MIGA2: variants seen among roughly 807,000 people sequenced by gnomAD.
MIGA2 encodes family with sequence similarity 73, member B.
A neutral mutation model predicts 69.9 loss-of-function variants in MIGA2; 36 were observed. The ratio of observed to expected loss-of-function variants is 0.52; its 90% CI spans 0.39 to 0.68. The LOEUF (loss-of-function observed/expected upper bound fraction) is 0.68, where lower values mean the gene tolerates loss of function less well. MIGA2 is among the 30% of genes least tolerant of loss of function. The pLI, the probability that MIGA2 is intolerant of heterozygous loss-of-function variation, is 0.00. For missense variants in MIGA2, 660 were observed against 787.7 expected (o/e 0.84, Z 1.94); for synonymous variants, 333 against 349.2 (o/e 0.95, Z 0.52).
rs150621834 is a variant in MIGA2 at position 129,043,861 on chromosome 9, C to T, written c.307+1347C>T. Among the ~76,000 whole-genome samples, 1,228 of 152,090 alleles carry T rather than the reference C, an allele frequency of 8.1e-3. 14 individuals carry two copies. The highest frequency in any genetic ancestry group is 0.028 in the African/African-American group (1,151 of 41,498). On this transcript the variant is annotated intron_variant, in intron 3 of 15. Transcript: ENST00000684074. ...GACAACAGGTGCGTGCCACCAAGCC[C>T]GGCTAATTTTTTGTATTTTTAGTAG...
rs60385020 is a variant in MIGA2 at position 129,042,001 on chromosome 9, G to T, written c.97-303G>T. ...TGGGTACCCCAGGCTAGGTCCTAGT[G>T]CAGTGCCGGGCACAGCTGGTGCTTG... is the stretch of plus-strand genomic sequence containing the variant. On this transcript the variant is annotated intron_variant, in intron 2 of 15. Coordinates refer to ENST00000684074, the MANE Select transcript of MIGA2 (RefSeq NM_001329990.2). The T allele has an allele frequency of 3.8e-3, 1,498 of 394,462 alleles. 17 individuals carry two copies. Among genetic ancestry groups the T allele is most frequent in the African/African-American group, 0.027 (1,356 of 50,082 alleles). The allele number at this position is 394,462 out of a possible 1,614,324, so 24.4% of individuals were successfully genotyped here. A position where few individuals can be genotyped will look rare whatever the true frequency, so the allele number is the denominator to read the frequency against.
At chr9:129,052,035 C>T (rs1226448734) in intron 6 of MIGA2, among the ~76,000 whole-genome samples, 1 of 152,050 alleles carries the variant, frequency 6.6e-6, no homozygotes, top group Non-Finnish European at 1.5e-5. Context: ...ACTGTGTTAG[C>T]CAGGATGGGC....
chr9:129,049,765 G>GC, intron 5 of MIGA2, 62 bp from the exon 6 acceptor site: 1 of 1,608,070 alleles, frequency 6.2e-7, no homozygotes, highest in Non-Finnish European at 8.5e-7. Flanking sequence ...GATGTTCTGA[G>GC]CCCCCTCTTG....
At position 129,071,704 on chromosome 9, in the gene MIGA2, G is replaced by A. The variant is rs1220208108; in HGVS notation, c.*1251G>A. Reference sequence around the variant, plus strand: ...TGATGCTGGGTGTGGCCCATCTTCTGTGGGCCCCTTCCCAGACACCGGATC... The same window carrying A: ...TGATGCTGGGTGTGGCCCATCTTCTATGGGCCCCTTCCCAGACACCGGATC... On this transcript the variant is annotated 3_prime_UTR_variant, in exon 16 of 16. Transcript: ENST00000684074. 2.6e-5 allele frequency: 4 copies of A among 152,172 alleles called. No individual in the cohort carries two copies. Among genetic ancestry groups the A allele is most frequent in the Non-Finnish European group, 4.4e-5 (3 of 68,002 alleles). 9.4% of individuals were successfully genotyped at this position (152,172 alleles called of 1,614,324 possible). A position where few individuals can be genotyped will look rare whatever the true frequency, so the allele number is the denominator to read the frequency against.
chr9:129,070,480 A>T lies in MIGA2; in HGVS notation c.*27A>T. On this transcript the variant is annotated 3_prime_UTR_variant, in exon 16 of 16. Transcript: ENST00000684074. ...GGCGGCACGGGCTGGGGGGTGGCAG[A>T]GAGAAGGCTCCTCCTCCCTTCCCTG... is the stretch of plus-strand genomic sequence containing the variant. 6.7e-7 allele frequency: 1 copy of T among 1,500,152 alleles called. No individual in the cohort carries two copies. Among genetic ancestry groups the T allele is most frequent in the South Asian group, 1.3e-5 (1 of 78,436 alleles). The allele number at this position is 1,500,152 out of a possible 1,614,324, so 92.9% of individuals were successfully genotyped here.
Position 129,061,086 on chromosome 9 carries a change from T to C in MIGA2, c.895-145T>C, listed in dbSNP as rs1846043178. ...TCGAACTGGAGCCTCCTGGCCAGTGTTCCCTCTGACATCCCCTCAGAGACG... is the reference window on the plus strand; with the variant it reads ...TCGAACTGGAGCCTCCTGGCCAGTGCTCCCTCTGACATCCCCTCAGAGACG... On this transcript the variant is annotated intron_variant, in intron 8 of 15. Coordinates refer to ENST00000684074, the MANE Select transcript of MIGA2 (RefSeq NM_001329990.2). The surrounding 1 kb of genome is among the most constrained non-coding windows in gnomAD (Gnocchi z 5.0). 1 of 701,030 alleles carries C rather than the reference T, an allele frequency of 1.4e-6. No homozygotes were observed. The highest frequency in any genetic ancestry group is 2.5e-6 in the Non-Finnish European group (1 of 397,036). The allele number at this position is 701,030 out of a possible 1,614,324, so 43.4% of individuals were successfully genotyped here. A position where few individuals can be genotyped will look rare whatever the true frequency, so the allele number is the denominator to read the frequency against.
Position 129,060,663 on chromosome 9 carries a change from G to A in MIGA2, c.894+13G>A. On this transcript the variant is annotated intron_variant, in intron 8 of 15. Coordinates refer to ENST00000684074, the MANE Select transcript of MIGA2 (RefSeq NM_001329990.2). The surrounding 1 kb of genome is among the most constrained non-coding windows in gnomAD (Gnocchi z 4.8). The stretch of plus-strand genomic sequence containing the variant: ...CTCCGCCACCGAGGTGACTCGGGGT[G>A]GGGACCAAGCCTGGGGTGGGGTGAA... 1.9e-6 allele frequency: 3 copies of A among 1,567,948 alleles called. No individual in the cohort carries two copies. The highest frequency in any genetic ancestry group is 1.7e-6 in the Non-Finnish European group (2 of 1,155,566).
chr9:129,067,009 A>G (rs1846392713), intron 11 of MIGA2, among the ~76,000 whole-genome samples: 1 of 145,634 alleles, frequency 6.9e-6, no homozygotes, highest in African/African-American at 2.5e-5. Flanking sequence ...GGTGGCAGGC[A>G]CTTGTAGTCC....
chr9:129,048,344 G>T (rs1372719478), intron 3 of MIGA2, 83 bp from the exon 4 acceptor site: 8 of 1,121,604 alleles, frequency 7.1e-6, no homozygotes, highest in Non-Finnish European at 1.1e-5. Context: ...GAGGAAGAAG[G>T]GGAAGGTGGT....
intron 1 of MIGA2, among the ~76,000 whole-genome samples, chr9:129,039,270 G>T (rs1429542933): frequency 1.3e-5 from 2 of 149,912 alleles, no homozygotes; most frequent in Non-Finnish European, 3.0e-5. Flanking sequence ...TTTTGAGATG[G>T]AGTCTCACTC....
rs1846562774 is a variant in MIGA2 at position 129,069,666 on chromosome 9, G to T, written c.1459-183G>T. 4.7e-6 allele frequency: 3 copies of T among 636,060 alleles called. No homozygotes were observed. The highest frequency in any genetic ancestry group is 2.8e-5 in the East Asian group (1 of 36,146). The allele number at this position is 636,060 out of a possible 1,614,324, so 39.4% of individuals were successfully genotyped here. ...CTTGCAGTACTCACAGCGGCCCATG[G>T]TTACCCTGTCTGCAGAAGTTAAAAT... On this transcript the variant is annotated intron_variant, in intron 14 of 15. Transcript: ENST00000684074. This position sits in a 1 kb window ranked among gnomAD's most constrained non-coding sequence, Gnocchi z 4.9.
rs543981579 is a variant in MIGA2 at position 129,068,690 on chromosome 9, C to T, written c.1404+358C>T. 1 of 415,420 alleles carries T rather than the reference C, an allele frequency of 2.4e-6. No individual in the cohort carries two copies. The allele number at this position is 415,420 out of a possible 1,614,324, so 25.7% of individuals were successfully genotyped here. On this transcript the variant is annotated intron_variant, in intron 13 of 15. Coordinates refer to ENST00000684074, the MANE Select transcript of MIGA2 (RefSeq NM_001329990.2). The surrounding 1 kb of genome is among the most constrained non-coding windows in gnomAD (Gnocchi z 4.1). ...GCACAGAGTGAGAGACAACCCAGCA[C>T]AGGACCCCCAGGAAGGCAAGCAGTA...
intron 6 of MIGA2, among the ~76,000 whole-genome samples, chr9:129,056,467 C>T (rs1438766903): frequency 6.6e-6 from 1 of 151,938 alleles, no homozygotes; most frequent in Non-Finnish European, 1.5e-5. Context: ...AGAAGACTGG[C>T]CCATGGTGGC....
At chr9:129,055,488 G>C (rs1346005535) in intron 6 of MIGA2, among the ~76,000 whole-genome samples, 1 of 151,916 alleles carries the variant, frequency 6.6e-6, no homozygotes, top group Non-Finnish European at 1.5e-5. Flanking sequence ...AGGCTAAGTG[G>C]GTTCATCTCT....
chr9:129,038,414 T>C (rs1844712459), intron 1 of MIGA2, among the ~76,000 whole-genome samples: 1 of 152,100 alleles, frequency 6.6e-6, no homozygotes, highest in African/African-American at 2.4e-5. Context: ...AAGGCATCCT[T>C]GGGCTTGGAG....
At chr9:129,043,062 C>G (rs907112236) in intron 3 of MIGA2, among the ~76,000 whole-genome samples, 1 of 151,822 alleles carries the variant, frequency 6.6e-6, no homozygotes, top group African/African-American at 2.4e-5. Context: ...GGCATGGTGA[C>G]GGGCACCTGT....
intron 6 of MIGA2, among the ~76,000 whole-genome samples, chr9:129,052,614 G>A (rs1845606526): frequency 6.6e-6 from 1 of 152,132 alleles, no homozygotes; most frequent in South Asian, 2.1e-4. Context: ...GGTAGAAGGA[G>A]GAGGGAGGAT....
chr9:129,068,146 G>C lies in MIGA2; in HGVS notation c.1270-52G>C, dbSNP rs746495297. On this transcript the variant is annotated intron_variant, in intron 12 of 15. Coordinates refer to ENST00000684074, the MANE Select transcript of MIGA2 (RefSeq NM_001329990.2). The surrounding 1 kb of genome is among the most constrained non-coding windows in gnomAD (Gnocchi z 4.1). The stretch of plus-strand genomic sequence containing the variant: ...GTCTCCCCATCTGGAAAGTGGCCCC[G>C]AGGCTCCGGCAGTGCCCCCATGCAT... The C allele has an allele frequency of 6.2e-7, 1 of 1,613,034 alleles. No homozygotes were observed. The highest frequency in any genetic ancestry group is 2.2e-5 in the East Asian group (1 of 44,872).
rs1406137470 is a variant in MIGA2, at chr9:129,059,572, C to G, written c.793+301C>G. ...GTGTGGCAGCATCTCCCTGATGGCT[C>G]TCCCAGGCCTTCGCTTCGAGTCCTT... On this transcript the variant is annotated intron_variant, in intron 7 of 15. Coordinates refer to ENST00000684074, the MANE Select transcript of MIGA2 (RefSeq NM_001329990.2). This position sits in a 1 kb window ranked among gnomAD's most constrained non-coding sequence, Gnocchi z 5.6. Among the ~76,000 whole-genome samples, 1 of 152,186 alleles carries G rather than the reference C, an allele frequency of 6.6e-6. No individual in the cohort carries two copies. Among genetic ancestry groups the G allele is most frequent in the East Asian group, 1.9e-4 (1 of 5,202 alleles).
Sources: gnomAD v4.1 joint callset for allele counts (sites outside exome capture counted in the v4.1 genomes callset) on GRCh38, gnomAD v4.1.1 for gene constraint, Gnocchi (gnomAD v3.1) non-coding constraint, MANE v1.5 for transcripts, NCBI Gene and HGNC (gene_info 2026-07-23, HGNC 2026-07-21) for gene names.